CSMD2: variants seen among roughly 807,000 people sequenced by gnomAD.
CSMD2 encodes the protein CUB and Sushi multiple domains 2, also known as CUB and sushi domain-containing protein 2.
CSMD2 carries 130 observed loss-of-function variants against 398.5 expected under a neutral mutation model. The observed-to-expected ratio is 0.33, with a 90% CI of 0.28 to 0.38. The LOEUF (loss-of-function observed/expected upper bound fraction) is 0.38. CSMD2 is among the 10% of genes least tolerant of loss of function. The probability of loss-of-function intolerance (pLI) is 1.00; values close to 1 mark genes in which losing one functional copy is unlikely to be tolerated. For synonymous variants in CSMD2, 1,828 were observed against 1,908.5 expected (o/e 0.96, Z 1.10); for missense variants, 3,829 against 4,764.9 (o/e 0.80, Z 5.78).
intron 2 of CSMD2, among the ~76,000 whole-genome samples, chr1:34,063,466 A>G (rs958624263): frequency 2.6e-5 from 4 of 152,236 alleles, no homozygotes; most frequent in Non-Finnish European, 4.4e-5. Flanking sequence ...CAAAAGGGTT[A>G]CAGGGCCCAT....
intron 43 of CSMD2, 117 bp from the exon 44 acceptor site, chr1:33,601,127 A>G: frequency 1.5e-6 from 2 of 1,343,204 alleles, no homozygotes; most frequent in Non-Finnish European, 2.1e-6. Flanking sequence ...TTCTTTTTGT[A>G]CCAACACTTC....
chr1:33,562,703 A>ATTTC (rs1658687036), intron 53 of CSMD2, among the ~76,000 whole-genome samples: 6 of 152,314 alleles, frequency 3.9e-5, no homozygotes, highest in African/African-American at 1.4e-4. Context: ...ATGAGATAAC[A>ATTTC]TTTCAATCAG....
At chr1:33,931,142 G>A (rs1243819210) in intron 4 of CSMD2, among the ~76,000 whole-genome samples, 1 of 152,226 alleles carries the variant, frequency 6.6e-6, no homozygotes, top group Non-Finnish European at 1.5e-5. Context: ...GACCCATCCA[G>A]ACAGCCGTTC....
upstream of CSMD2, among the ~76,000 whole-genome samples, chr1:34,165,584 A>C (rs1641815377): frequency 2.0e-5 from 3 of 147,304 alleles, no homozygotes; most frequent in South Asian, 6.4e-4. Flanking sequence ...CCCCCTCTCC[A>C]CACACACACA....
At chr1:33,993,052 C>T (rs1646612472) in intron 3 of CSMD2, among the ~76,000 whole-genome samples, 1 of 152,080 alleles carries the variant, frequency 6.6e-6, no homozygotes, top group African/African-American at 2.4e-5. Flanking sequence ...ACTGTGTCTG[C>T]ATATGTATAT....
At chr1:33,803,342 T>C (rs1438419649) in intron 10 of CSMD2, among the ~76,000 whole-genome samples, 2 of 152,192 alleles carry the variant, frequency 1.3e-5, no homozygotes, top group Non-Finnish European at 2.9e-5. Context: ...AACCTCTCTC[T>C]TAAACTCAGA....
chr1:33,573,344 C>A (rs12129692), intron 49 of CSMD2, among the ~76,000 whole-genome samples: 1 of 151,834 alleles, frequency 6.6e-6, no homozygotes, highest in Non-Finnish European at 1.5e-5. Context: ...ATCAGCAGTG[C>A]GAACAAGACA....
chr1:33,538,370 T>C (rs1205504070), intron 60 of CSMD2, among the ~76,000 whole-genome samples: 8 of 152,336 alleles, frequency 5.3e-5, no homozygotes, highest in Middle Eastern at 6.8e-3. Flanking sequence ...TCAGGCCATG[T>C]TAACATCAGG....
chr1:33,569,049 G>C (rs5007951), intron 52 of CSMD2, among the ~76,000 whole-genome samples: 1 of 152,150 alleles, frequency 6.6e-6, no homozygotes, highest in African/African-American at 2.4e-5. Flanking sequence ...ACAGGAATGC[G>C]TCTGCAAATT....
At chr1:33,921,455 G>A (rs142652011) in intron 4 of CSMD2, among the ~76,000 whole-genome samples, 220 of 152,256 alleles carry the variant, frequency 1.4e-3, no homozygotes, top group African/African-American at 4.8e-3. Flanking sequence ...AGCAAGCACC[G>A]GGCCCACTGG....
chr1:33,624,778 C>T lies in CSMD2; in HGVS notation c.5501-135G>A, dbSNP rs1415847298. Reference sequence around the variant, plus strand: ...GGGTGTCTCCCTAATGTCCCCAGTCCTGCCTTCTCCACGGCCTCTCCCCAT... The same window carrying T: ...GGGTGTCTCCCTAATGTCCCCAGTCTTGCCTTCTCCACGGCCTCTCCCCAT... On this transcript the variant is annotated intron_variant, in intron 34 of 70. Transcript: ENST00000373381. The surrounding 1 kb of genome is among the most constrained non-coding windows in gnomAD (Gnocchi z 4.7). 5 of 1,222,030 alleles carry T rather than the reference C, an allele frequency of 4.1e-6. No individual in the cohort carries two copies. The highest frequency in any genetic ancestry group is 5.6e-6 in the Non-Finnish European group (5 of 892,026). The allele number at this position is 1,222,030 out of a possible 1,614,324, so 75.7% of individuals were successfully genotyped here.
At chr1:34,165,779 C>T (rs1466196574), upstream of CSMD2, 2 of 1,613,886 alleles carry the variant, frequency 1.2e-6, no homozygotes, top group Admixed American at 1.7e-5. Context: ...TTGAACTTGC[C>T]ATCTAGGGCC....
intron 3 of CSMD2, among the ~76,000 whole-genome samples, chr1:33,940,917 C>A (rs1406194154): frequency 1.3e-5 from 2 of 152,158 alleles, no homozygotes; most frequent in Non-Finnish European, 2.9e-5. Context: ...TAATGTGCAA[C>A]CTGCTGGACA....
rs567368434 is a variant in CSMD2, at chr1:34,133,429, G to A, written c.187+31482C>T. The stretch of plus-strand genomic sequence containing the variant: ...GTGGGTCACCTGAGGTCAGGAGTTC[G>A]AGACCAGCCTGGTCAACATGGCAAA... On this transcript the variant is annotated intron_variant, in intron 1 of 70. Coordinates refer to ENST00000373381, the MANE Select transcript of CSMD2 (RefSeq NM_001281956.2). Among the ~76,000 whole-genome samples, 34 of 152,136 alleles carry A rather than the reference G, an allele frequency of 2.2e-4. No homozygotes were observed. The South Asian group carries it at 7.1e-3, about 32-fold the overall frequency.
At chr1:33,631,137 C>T (rs1338577377) in intron 32 of CSMD2, among the ~76,000 whole-genome samples, 1 of 151,456 alleles carries the variant, frequency 6.6e-6, no homozygotes, top group Non-Finnish European at 1.5e-5. Flanking sequence ...CCCACAAAAA[C>T]ACAAAACACC....
At chr1:33,831,411 A>G (rs1437852015) in intron 6 of CSMD2, among the ~76,000 whole-genome samples, 1 of 152,214 alleles carries the variant, frequency 6.6e-6, no homozygotes, top group Non-Finnish European at 1.5e-5. Context: ...CAGCCAAACT[A>G]AGCTTCATAA....
intron 4 of CSMD2, 66 bp from the exon 5 acceptor site, chr1:33,918,367 G>A (rs1643833338): frequency 7.8e-7 from 1 of 1,275,558 alleles, no homozygotes; most frequent in African/African-American, 1.5e-5. Flanking sequence ...ACTCACCATG[G>A]GCTATACCTG....
At chr1:33,806,328 C>T (rs1228461488) in intron 10 of CSMD2, among the ~76,000 whole-genome samples, 1 of 152,120 alleles carries the variant, frequency 6.6e-6, no homozygotes, top group Non-Finnish European at 1.5e-5. Flanking sequence ...GGGTTTGCAG[C>T]CTTCATATTA....
At chr1:34,022,634 T>TA (rs1649068087) in intron 3 of CSMD2, among the ~76,000 whole-genome samples, 1 of 152,056 alleles carries the variant, frequency 6.6e-6, no homozygotes, top group Admixed American at 6.5e-5. Context: ...AGAGAAGAGT[T>TA]GGGTGGTAGT....
Sources: gnomAD v4.1 joint callset for allele counts (sites outside exome capture counted in the v4.1 genomes callset) on GRCh38, gnomAD v4.1.1 for gene constraint, Gnocchi (gnomAD v3.1) non-coding constraint, MANE v1.5 for transcripts, NCBI Gene and HGNC (gene_info 2026-07-23, HGNC 2026-07-21) for gene names.